Variants in RAD51B observed in about 807,000 individuals in gnomAD.
RAD51B encodes DNA repair protein RAD51 homolog 2.
In RAD51B, 38 loss-of-function variants were observed where a neutral mutation model predicts 42.2. The observed-to-expected ratio is 0.90, with a 90% confidence interval of 0.70 to 1.18. The LOEUF is 1.18. RAD51B is among the 50% of genes most tolerant of loss of function. RAD51B has a pLI of 0.00. For synonymous variants in RAD51B, 154 were observed against 145.2 expected (o/e 1.06, Z -0.43); for missense variants, 373 against 400.7 (o/e 0.93, Z 0.59).
chr14:68,657,349 A>G (rs1047902838), intron 11 of RAD51B, among the ~76,000 whole-genome samples: 2 of 152,178 alleles, frequency 1.3e-5, no homozygotes, highest in East Asian at 3.9e-4. Context: ...CCGTCATTTA[A>G]CAAAATTTTT....
chr14:68,272,234 G>A (rs1271465734), intron 7 of RAD51B, among the ~76,000 whole-genome samples: 1 of 152,084 alleles, frequency 6.6e-6, no homozygotes, highest in Non-Finnish European at 1.5e-5. Flanking sequence ...TGTCTCAAGG[G>A]TTTCATTGGC....
intron 10 of RAD51B, among the ~76,000 whole-genome samples, chr14:68,501,200 C>T (rs1327892517): frequency 6.6e-6 from 1 of 152,204 alleles, no homozygotes; most frequent in African/African-American, 2.4e-5. Flanking sequence ...AAGATAAAGT[C>T]AGGCAAGGCT....
At chr14:67,984,233 G>A (rs2075145345) in intron 7 of RAD51B, among the ~76,000 whole-genome samples, 1 of 152,016 alleles carries the variant, frequency 6.6e-6, no homozygotes, top group South Asian at 2.1e-4. Flanking sequence ...CACCATGCCT[G>A]GCCAGGGCTG....
intron 7 of RAD51B, among the ~76,000 whole-genome samples, chr14:68,239,462 T>C (rs1043872234): frequency 6.6e-6 from 1 of 151,726 alleles, no homozygotes; most frequent in African/African-American, 2.4e-5. Context: ...GTCATCCTGC[T>C]CCAGCCTCAG....
chr14:68,100,384 G>A (rs1259790656), intron 7 of RAD51B, among the ~76,000 whole-genome samples: 1 of 152,170 alleles, frequency 6.6e-6, no homozygotes, highest in African/African-American at 2.4e-5. Context: ...GTCTCACTGT[G>A]TTGCCCAGGC....
chr14:68,115,220 A>C (rs1489142246), intron 7 of RAD51B, among the ~76,000 whole-genome samples: 1 of 136,784 alleles, frequency 7.3e-6, no homozygotes, highest in Non-Finnish European at 1.5e-5. Flanking sequence ...CAGCCATAAA[A>C]AATGATGAGT....
chr14:68,439,452 G>GCT (rs1379394167), intron 9 of RAD51B, among the ~76,000 whole-genome samples: 1 of 152,154 alleles, frequency 6.6e-6, no homozygotes, highest in African/African-American at 2.4e-5. Flanking sequence ...CAAATTGAAT[G>GCT]CTCTCTCTTG....
chr14:68,629,096 A>G (rs1178479942), intron 10 of RAD51B, among the ~76,000 whole-genome samples: 2 of 152,082 alleles, frequency 1.3e-5, no homozygotes, highest in African/African-American at 4.8e-5. Context: ...GCCCCACACG[A>G]TGCCCAACTT....
chr14:68,072,108 TA>T lies in RAD51B; in HGVS notation c.756+184910del, dbSNP rs953035015. The stretch of plus-strand genomic sequence containing the variant: ...ATATAAATATATAATATATAAAATA[TA>T]AAAAATATATAAAATATATATATAA... On this transcript the variant is annotated intron_variant, in intron 7 of 10. Transcript: ENST00000471583. Among the ~76,000 whole-genome samples, 44 of 118,954 alleles carry T rather than the reference TA, an allele frequency of 3.7e-4. 2 individuals are homozygous for T. Among genetic ancestry groups the T allele is most frequent in the African/African-American group, 8.7e-4 (25 of 28,752 alleles). The allele number at this position is 118,954 out of a possible 152,430, so 78.0% of individuals were successfully genotyped here.
chr14:68,195,207 T>G (rs1007098064), intron 7 of RAD51B, among the ~76,000 whole-genome samples: 1 of 152,246 alleles, frequency 6.6e-6, no homozygotes, highest in African/African-American at 2.4e-5. Flanking sequence ...CTATGCCATC[T>G]TTACTCATTT....
intron 7 of RAD51B, among the ~76,000 whole-genome samples, chr14:68,207,586 C>T (rs1462731844): frequency 6.6e-6 from 1 of 152,110 alleles, no homozygotes; most frequent in Admixed American, 6.5e-5. Context: ...GAGGATGTCT[C>T]TGCATTTTGT....
intron 9 of RAD51B, among the ~76,000 whole-genome samples, chr14:68,465,099 T>C (rs1341418401): frequency 1.3e-5 from 2 of 152,190 alleles, no homozygotes; most frequent in African/African-American, 4.8e-5. Flanking sequence ...GTTTCTGCAG[T>C]GCATAAAATA....
At chr14:68,153,199 C>T (rs1344195700) in intron 7 of RAD51B, among the ~76,000 whole-genome samples, 1 of 152,180 alleles carries the variant, frequency 6.6e-6, no homozygotes, top group African/African-American at 2.4e-5. Flanking sequence ...AATAGTCTTA[C>T]AGTACTTGTC....
intron 7 of RAD51B, among the ~76,000 whole-genome samples, chr14:68,285,448 G>C (rs1388937458): frequency 6.6e-6 from 1 of 152,184 alleles, no homozygotes; most frequent in East Asian, 1.9e-4. Context: ...GCAGAGCCTC[G>C]TCACTTTGAA....
At chr14:68,682,920 T>C in intron 11 of RAD51B, 1 of 987,898 alleles carries the variant, frequency 1.0e-6, no homozygotes. Context: ...CTTTTTTTTT[T>C]TTTTTTTTTT....
intron 8 of RAD51B, among the ~76,000 whole-genome samples, chr14:68,318,546 A>G (rs940579616): frequency 7.2e-5 from 11 of 152,234 alleles, no homozygotes; most frequent in African/African-American, 2.7e-4. Flanking sequence ...TCCATCAGGA[A>G]GGAAAGAACT....
At chr14:68,578,698 G>A (rs895737198) in intron 10 of RAD51B, among the ~76,000 whole-genome samples, 6 of 152,216 alleles carry the variant, frequency 3.9e-5, no homozygotes, top group African/African-American at 1.4e-4. Flanking sequence ...TCACAGGAAG[G>A]TGAAGCCCAA....
chr14:68,309,883 C>T (rs1713638526), intron 8 of RAD51B, among the ~76,000 whole-genome samples: 1 of 152,094 alleles, frequency 6.6e-6, no homozygotes, highest in African/African-American at 2.4e-5. Flanking sequence ...GTGGTTATTC[C>T]AGCTGTGACA....
intron 7 of RAD51B, among the ~76,000 whole-genome samples, chr14:68,277,212 C>T (rs377422852): frequency 6.6e-6 from 1 of 152,168 alleles, no homozygotes; most frequent in Non-Finnish European, 1.5e-5. Context: ...CGAGGAGCCT[C>T]ACATTAGTAA....
Sources: gnomAD v4.1 joint callset for allele counts (sites outside exome capture counted in the v4.1 genomes callset) on GRCh38, gnomAD v4.1.1 for gene constraint, MANE v1.5 for transcripts, NCBI Gene and HGNC (gene_info 2026-07-23, HGNC 2026-07-21) for gene names.